PHF24: variants seen among roughly 807,000 people sequenced by gnomAD.
PHF24 encodes Galpha inhibitory interacting protein.
PHF24 carries 25 observed loss-of-function variants against 42.6 expected under a neutral mutation model. The observed-to-expected ratio is 0.59, with a 90% confidence interval of 0.43 to 0.82. The LOEUF (loss-of-function observed/expected upper bound fraction) is 0.82, where lower values mean the gene tolerates loss of function less well. Among genes scored for constraint, PHF24 ranks in the 40% least tolerant of loss-of-function variants. PHF24 has a pLI of 0.00. For missense variants in PHF24, 470 were observed against 538.1 expected (o/e 0.87, Z 1.25); for synonymous variants, 185 against 204.8 (o/e 0.90, Z 0.83).
chr9:34,927,622 C>A, the PHF24 span, among the ~76,000 whole-genome samples: 1 of 151,856 alleles, frequency 6.6e-6, no homozygotes, highest in African/African-American at 2.4e-5. Flanking sequence ...CTTACCTTTT[C>A]CCTGCAATAA....
At chr9:34,852,747 T>C in the PHF24 span, among the ~76,000 whole-genome samples, 1 of 152,236 alleles carries the variant, frequency 6.6e-6, no homozygotes, top group Non-Finnish European at 1.5e-5. Flanking sequence ...TATGTTTTTG[T>C]ATGTACTTGT....
chr9:34,674,847 G>T, the PHF24 span, among the ~76,000 whole-genome samples: 1 of 152,234 alleles, frequency 6.6e-6, no homozygotes, highest in South Asian at 2.1e-4. Context: ...ATGTGTTTGT[G>T]TATGGTGTTT....
chr9:34,780,257 GTTTTC>G, the PHF24 span, among the ~76,000 whole-genome samples: 1 of 131,854 alleles, frequency 7.6e-6, no homozygotes, highest in African/African-American at 2.8e-5. Flanking sequence ...ATTTGGCAAT[GTTTTC>G]TTTTCTTTTC....
chr9:34,723,358 G>A, the PHF24 span: 1 of 1,551,694 alleles, frequency 6.4e-7, no homozygotes, highest in Non-Finnish European at 8.7e-7. Flanking sequence ...TATCGTCTAG[G>A]GATTGGGGAC....
At chr9:34,846,190 G>A in the PHF24 span, among the ~76,000 whole-genome samples, 3 of 152,182 alleles carry the variant, frequency 2.0e-5, no homozygotes, top group African/African-American at 7.2e-5. Flanking sequence ...CTTCCACAAT[G>A]GTTGAACTAG....
the PHF24 span, among the ~76,000 whole-genome samples, chr9:34,937,040 C>T: frequency 1.4e-4 from 21 of 147,416 alleles, 1 homozygote; most frequent in South Asian, 8.6e-4. Context: ...GTCAGCCCCC[C>T]CCCCGGGCCA....
the PHF24 span, among the ~76,000 whole-genome samples, chr9:34,907,968 G>A: frequency 3.3e-5 from 5 of 151,828 alleles, no homozygotes; most frequent in South Asian, 2.1e-4. Context: ...TCAGCCTCCC[G>A]AGTAGCTGGG....
the PHF24 span, among the ~76,000 whole-genome samples, chr9:34,875,938 ACACACACACACACTCTCTCTCT>A: frequency 3.7e-4 from 33 of 88,548 alleles, no homozygotes; most frequent in African/African-American, 1.6e-3. Context: ...ACACACACAC[ACACACACACACACTCTCTCTCT>A]CTCTCTCTCT....
At chr9:34,681,558 C>G in the PHF24 span, among the ~76,000 whole-genome samples, 1 of 152,308 alleles carries the variant, frequency 6.6e-6, no homozygotes, top group African/African-American at 2.4e-5. Flanking sequence ...CACCTGTAAT[C>G]CCAGCCCTCT....
the PHF24 span, among the ~76,000 whole-genome samples, chr9:34,784,657 G>A: frequency 6.6e-6 from 1 of 152,090 alleles, no homozygotes; most frequent in African/African-American, 2.4e-5. Context: ...TCCTGCTTTT[G>A]TGCTCCAGAT....
exon 3 of PHF24, chr9:34,972,497 C>T (rs1278950613): frequency 2.5e-6 from 4 of 1,612,912 alleles, no homozygotes; most frequent in Non-Finnish European, 2.5e-6. Flanking sequence ...ACGGAGATGG[C>T]CCACACAGAA....
At chr9:34,783,640 A>G in the PHF24 span, among the ~76,000 whole-genome samples, 1 of 152,234 alleles carries the variant, frequency 6.6e-6, no homozygotes, top group African/African-American at 2.4e-5. Flanking sequence ...CACTGTAAGA[A>G]ATAAAATAAT....
chr9:34,839,155 G>A, the PHF24 span, among the ~76,000 whole-genome samples: 1 of 152,166 alleles, frequency 6.6e-6, no homozygotes, highest in African/African-American at 2.4e-5. Flanking sequence ...TCTTTTTGAG[G>A]CACATTAATG....
chr9:34,886,834 G>GTATCTATCTATCTATC, the PHF24 span, among the ~76,000 whole-genome samples: 10,827 of 148,706 alleles, frequency 0.073, 427 homozygotes, highest in East Asian at 0.12. Flanking sequence ...ATGTATCTAT[G>GTATCTATCTATCTATC]TATCTATCTA....
the PHF24 span, among the ~76,000 whole-genome samples, chr9:34,915,562 CAAAGT>C: frequency 1.3e-5 from 2 of 152,106 alleles, no homozygotes; most frequent in African/African-American, 4.8e-5. Context: ...TAAGGGTTCA[CAAAGT>C]AAAGAAGATC....
chr9:34,948,160 T>C, the PHF24 span, among the ~76,000 whole-genome samples: 11 of 151,022 alleles, frequency 7.3e-5, no homozygotes, highest in South Asian at 2.3e-3. Context: ...AGAGTAAGGA[T>C]ATAAGGAAAG....
chr9:34,974,387 A>G (rs372823687), intron 3 of PHF24, among the ~76,000 whole-genome samples: 20 of 152,210 alleles, frequency 1.3e-4, no homozygotes, highest in African/African-American at 4.8e-4. Flanking sequence ...TCTTTTCTTT[A>G]GGATTTAAGT....
the PHF24 span, among the ~76,000 whole-genome samples, chr9:34,822,745 A>G: frequency 1.3e-5 from 2 of 152,244 alleles, no homozygotes; most frequent in African/African-American, 4.8e-5. Context: ...GGATATCATC[A>G]GAGTACAGCC....
the PHF24 span, among the ~76,000 whole-genome samples, chr9:34,795,827 T>C: frequency 6.6e-6 from 1 of 151,902 alleles, no homozygotes; most frequent in Non-Finnish European, 1.5e-5. Flanking sequence ...CAAAATCCCA[T>C]CTCTACAAAA....
Sources: gnomAD v4.1 joint callset for allele counts (sites outside exome capture counted in the v4.1 genomes callset) on GRCh38, gnomAD v4.1.1 for gene constraint, MANE v1.5 for transcripts, NCBI Gene and HGNC (gene_info 2026-07-23, HGNC 2026-07-21) for gene names.